The following PDE4B variants were observed in gnomAD, a reference collection of about 807,000 sequenced individuals.
PDE4B encodes the protein phosphodiesterase 4B, also known as 3',5'-cyclic-AMP phosphodiesterase 4B.
In PDE4B, 20 loss-of-function variants were observed where a neutral mutation model predicts 82.2. The observed-to-expected ratio is 0.24, with a 90% CI of 0.17 to 0.35. The LOEUF (loss-of-function observed/expected upper bound fraction) is 0.35. PDE4B is among the 10% of genes least tolerant of loss of function. PDE4B has a pLI of 1.00. For synonymous variants in PDE4B, 320 were observed against 318.9 expected, an observed-to-expected ratio of 1.00 and a Z score of -0.04; for missense variants, 655 against 907.2, an observed-to-expected ratio of 0.72 and a Z score of 3.57.
intron 1 of PDE4B, among the ~76,000 whole-genome samples, chr1:65,815,345 G>A (rs1180823213): frequency 6.6e-6 from 1 of 151,990 alleles, no homozygotes; most frequent in Non-Finnish European, 1.5e-5. Flanking sequence ...GATTAAGTTG[G>A]TGTTTCAAGT....
intron 3 of PDE4B, among the ~76,000 whole-genome samples, chr1:66,039,178 C>A (rs535231376): frequency 4.6e-5 from 7 of 152,150 alleles, no homozygotes; most frequent in Admixed American, 4.6e-4. Context: ...ATATTGGACA[C>A]ACAATAGATA....
chr1:66,232,732 T>C (rs1373276769), intron 3 of PDE4B, among the ~76,000 whole-genome samples: 1 of 152,182 alleles, frequency 6.6e-6, no homozygotes, highest in Non-Finnish European at 1.5e-5. Flanking sequence ...TTGAGAAAGA[T>C]AGTGACTAAG....
intron 3 of PDE4B, among the ~76,000 whole-genome samples, chr1:65,922,596 T>C (rs555627259): frequency 2.0e-4 from 30 of 152,178 alleles, no homozygotes; most frequent in Non-Finnish European, 4.3e-4. Flanking sequence ...CCCTCACCTC[T>C]TATACACACA....
chr1:66,220,859 G>A (rs937952185), intron 3 of PDE4B, among the ~76,000 whole-genome samples: 18 of 152,072 alleles, frequency 1.2e-4, no homozygotes, highest in Non-Finnish European at 2.4e-4. Context: ...ATGACATAAA[G>A]TTGATATCTT....
intron 3 of PDE4B, among the ~76,000 whole-genome samples, chr1:66,212,335 C>G (rs1167568493): frequency 6.6e-6 from 1 of 152,192 alleles, no homozygotes; most frequent in Non-Finnish European, 1.5e-5. Context: ...ACTCTTTTGT[C>G]TTTCTGTACA....
chr1:66,279,066 C>A (rs905016360), intron 7 of PDE4B, among the ~76,000 whole-genome samples: 1 of 152,088 alleles, frequency 6.6e-6, no homozygotes, highest in Non-Finnish European at 1.5e-5. Context: ...CCTGATTTAC[C>A]CCTCTCTGCA....
At chr1:66,042,877 A>G (rs962084239) in intron 3 of PDE4B, 1 of 151,856 alleles carries the variant, frequency 6.6e-6, no homozygotes, top group Admixed American at 6.6e-5. Context: ...CAACACCAAC[A>G]GTAATATAAG....
intron 3 of PDE4B, among the ~76,000 whole-genome samples, chr1:66,213,589 T>A (rs1570482039): frequency 6.6e-6 from 1 of 152,324 alleles, no homozygotes; most frequent in East Asian, 1.9e-4. Flanking sequence ...TTTTAGGATT[T>A]CCTCTCTGAA....
intron 3 of PDE4B, among the ~76,000 whole-genome samples, chr1:66,200,008 G>A (rs937458458): frequency 6.6e-6 from 1 of 152,114 alleles, no homozygotes; most frequent in African/African-American, 2.4e-5. Flanking sequence ...AATCCATCTT[G>A]AATTAATTTT....
chr1:65,982,271 T>C (rs1201087775), intron 3 of PDE4B, among the ~76,000 whole-genome samples: 1 of 152,204 alleles, frequency 6.6e-6, no homozygotes, highest in East Asian at 1.9e-4. Flanking sequence ...ATAGAACTTA[T>C]AGGTGATGAA....
At chr1:66,020,386 A>G (rs1653027082) in intron 3 of PDE4B, among the ~76,000 whole-genome samples, 1 of 152,094 alleles carries the variant, frequency 6.6e-6, no homozygotes, top group Non-Finnish European at 1.5e-5. Flanking sequence ...ACATATGTAT[A>G]CATGTGCCAT....
chr1:66,059,036 C>T (rs1448182531), intron 3 of PDE4B, among the ~76,000 whole-genome samples: 1 of 152,216 alleles, frequency 6.6e-6, no homozygotes, highest in African/African-American at 2.4e-5. Flanking sequence ...ACACAAGTCA[C>T]CTCTTGAATG....
At chr1:65,965,250 C>CT (rs901056111) in intron 3 of PDE4B, among the ~76,000 whole-genome samples, 3 of 151,936 alleles carry the variant, frequency 2.0e-5, no homozygotes, top group Non-Finnish European at 4.4e-5. Flanking sequence ...ATTTCCTCCC[C>CT]CCCCCATGGA....
At chr1:65,915,673 C>T (rs1167469414) in intron 2 of PDE4B, among the ~76,000 whole-genome samples, 1 of 152,190 alleles carries the variant, frequency 6.6e-6, no homozygotes, top group Non-Finnish European at 1.5e-5. Flanking sequence ...ATATGACAAA[C>T]AGCTCAGTCC....
At chr1:66,092,408 A>G (rs960540261) in intron 3 of PDE4B, among the ~76,000 whole-genome samples, 1 of 152,070 alleles carries the variant, frequency 6.6e-6, no homozygotes, top group Admixed American at 6.6e-5. Context: ...AGGACTTACC[A>G]TATATATTCC....
At chr1:66,117,560 T>G (rs1002895500) in intron 3 of PDE4B, among the ~76,000 whole-genome samples, 1 of 152,186 alleles carries the variant, frequency 6.6e-6, no homozygotes, top group Non-Finnish European at 1.5e-5. Context: ...GGTTTTTTTT[T>G]TCTAAGTTTC....
At chr1:66,256,576 T>C (rs569991140) in intron 4 of PDE4B, among the ~76,000 whole-genome samples, 11 of 152,260 alleles carry the variant, frequency 7.2e-5, no homozygotes, top group African/African-American at 2.6e-4. Flanking sequence ...GAAATAAAAG[T>C]ATCATATTAA....
At chr1:66,108,086 C>T (rs1279879712) in intron 3 of PDE4B, among the ~76,000 whole-genome samples, 1 of 151,834 alleles carries the variant, frequency 6.6e-6, no homozygotes, top group African/African-American at 2.4e-5. Context: ...TTAAAGTCTA[C>T]TCTCTTAGCA....
chr1:66,250,880 G>A (rs981917426), intron 4 of PDE4B, among the ~76,000 whole-genome samples: 1 of 152,150 alleles, frequency 6.6e-6, no homozygotes, highest in African/African-American at 2.4e-5. Context: ...ATTTTGCAAA[G>A]CCTTACACAG....
Sources: gnomAD v4.1 joint callset for allele counts (sites outside exome capture counted in the v4.1 genomes callset) on GRCh38, gnomAD v4.1.1 for gene constraint, MANE v1.5 for transcripts, NCBI Gene and HGNC (gene_info 2026-07-23, HGNC 2026-07-21) for gene names.